The following ZPBP variants were observed in gnomAD, a reference collection of about 807,000 sequenced individuals.
ZPBP encodes the protein zona pellucida binding protein, also known as zona pellucida-binding protein 1.
Under a neutral mutation model 44.8 loss-of-function variants are expected in ZPBP, and 26 were observed. The observed-to-expected ratio is 0.58, with a 90% CI of 0.43 to 0.81. The LOEUF (loss-of-function observed/expected upper bound fraction) is 0.81. Ranked by LOEUF, ZPBP falls within the 30% of genes least tolerant of loss-of-function variation. The probability of loss-of-function intolerance (pLI) is 0.00; values close to 1 mark genes in which losing one functional copy is unlikely to be tolerated. For missense variants in ZPBP, 409 were observed against 434.0 expected, an observed-to-expected ratio of 0.94 and a Z score of 0.51; for synonymous variants, 174 against 153.2, an observed-to-expected ratio of 1.14 and a Z score of -1.00.
At chr7:50,054,456 GA>G (rs1445285656) in intron 4 of ZPBP, among the ~76,000 whole-genome samples, 1 of 152,066 alleles carries the variant, frequency 6.6e-6, no homozygotes, top group Non-Finnish European at 1.5e-5. Context: ...ATAAAAATAT[GA>G]AAAGATGTTC....
intron 2 of ZPBP, among the ~76,000 whole-genome samples, chr7:49,884,357 A>T (rs953470515): frequency 1.2e-4 from 19 of 152,224 alleles, no homozygotes; most frequent in African/African-American, 4.6e-4. Flanking sequence ...AGAAGGCTTT[A>T]ACCGGGTGCT....
At chr7:49,917,216 C>A (rs1163848886) in intron 1 of ZPBP, 1 of 151,978 alleles carries the variant, frequency 6.6e-6, no homozygotes, top group Non-Finnish European at 1.5e-5. Flanking sequence ...GAATGATAAC[C>A]ATTTAAAAGT....
intron 6 of ZPBP, among the ~76,000 whole-genome samples, chr7:49,984,122 T>G (rs1797145587): frequency 1.3e-5 from 2 of 152,180 alleles, no homozygotes; most frequent in Non-Finnish European, 2.9e-5. Context: ...ACGCATAAAT[T>G]CAAACTGCTA....
chr7:50,005,368 T>C (rs752372657), intron 6 of ZPBP, among the ~76,000 whole-genome samples: 1 of 152,002 alleles, frequency 6.6e-6, no homozygotes, highest in Non-Finnish European at 1.5e-5. Context: ...AAACCCTGCA[T>C]TGTTGTAATT....
intron 4 of ZPBP, among the ~76,000 whole-genome samples, chr7:50,038,049 C>A (rs576715928): frequency 6.6e-6 from 1 of 152,124 alleles, no homozygotes; most frequent in Non-Finnish European, 1.5e-5. Flanking sequence ...ACTGAGTCCT[C>A]CATCACCCTT....
At chr7:49,981,313 AT>A (rs369866814) in intron 7 of ZPBP, among the ~76,000 whole-genome samples, 43,839 of 61,334 alleles carry the variant, frequency 0.71, 15,892 homozygotes, top group East Asian at 0.79. Context: ...ATAATTATAT[AT>A]TATATAATAT....
chr7:50,051,355 C>T (rs1800685416), intron 4 of ZPBP, among the ~76,000 whole-genome samples: 1 of 152,134 alleles, frequency 6.6e-6, no homozygotes, highest in African/African-American at 2.4e-5. Context: ...TTAGTTCAAC[C>T]ATTGTGGAAG....
intron 6 of ZPBP, among the ~76,000 whole-genome samples, chr7:50,001,190 CT>C (rs1798080622): frequency 6.6e-6 from 1 of 152,168 alleles, no homozygotes; most frequent in African/African-American, 2.4e-5. Flanking sequence ...AACTAATAAA[CT>C]AATCTTTCAT....
At chr7:50,072,274 A>T (rs1002904222) in intron 3 of ZPBP, among the ~76,000 whole-genome samples, 2 of 152,194 alleles carry the variant, frequency 1.3e-5, no homozygotes, top group African/African-American at 4.8e-5. Flanking sequence ...CTTTGGAAAG[A>T]GTAGCAGGGT....
intron 6 of ZPBP, among the ~76,000 whole-genome samples, chr7:49,987,226 G>T (rs1022255337): frequency 6.6e-6 from 1 of 152,088 alleles, no homozygotes; most frequent in Non-Finnish European, 1.5e-5. Context: ...GGATTTAAAA[G>T]GATTTTTTTA....
rs74528826 is a variant in ZPBP at position 50,005,274 on chromosome 7, G to A, written c.783+12966C>T. Among the ~76,000 whole-genome samples the A allele has an allele frequency of 5.6e-3, 856 of 151,854 alleles. 14 individuals carry two copies. The highest frequency in any genetic ancestry group is 0.02 in the African/African-American group (810 of 41,374). On this transcript the variant is annotated intron_variant, in intron 6 of 7. Coordinates refer to ENST00000046087, the MANE Select transcript of ZPBP (RefSeq NM_007009.3). ...TACCACCAGCAGAGTGTGTCTACTT[G>A]GAATGAAAGGTCTCTAGAGAATAAA... is the stretch of plus-strand genomic sequence containing the variant.
intron 2 of ZPBP, among the ~76,000 whole-genome samples, chr7:49,858,934 T>G (rs1367806567): frequency 1.3e-5 from 2 of 152,242 alleles, no homozygotes; most frequent in Non-Finnish European, 2.9e-5. Context: ...GAAGGTATAT[T>G]TATTTCATGG....
chr7:50,019,417 T>C (rs1436537272), intron 5 of ZPBP, among the ~76,000 whole-genome samples: 1 of 152,096 alleles, frequency 6.6e-6, no homozygotes, highest in Non-Finnish European at 1.5e-5. Context: ...TTCACTTCCT[T>C]AGAACCCATA....
At chr7:50,031,332 A>G in intron 4 of ZPBP, 22 bp from the exon 5 acceptor site, 2 of 1,563,942 alleles carry the variant, frequency 1.3e-6, no homozygotes, top group Non-Finnish European at 1.7e-6. Context: ...TAACAAGAGA[A>G]AGACACAAAA....
At position 49,885,008 on chromosome 7, in the gene ZPBP, G is replaced by C. The variant is rs544982594; in HGVS notation, n.509+16110C>G. 1.4e-4 allele frequency among the ~76,000 whole-genome samples: 21 copies of C among 152,132 alleles called. No individual in the cohort carries two copies. The East Asian group carries it at 4.0e-3, about 29-fold the overall frequency. The stretch of plus-strand genomic sequence containing the variant: ...TTTGAAATTAGGAAATAGGATATAA[G>C]TGTTGTATGGCTAAATTTAAAATTA... On this transcript the variant is annotated intron_variant and non_coding_transcript_variant, in intron 2 of 2. Coordinates refer to the ZPBP transcript ENST00000465922.
chr7:50,061,065 C>A (rs982706150), intron 3 of ZPBP, among the ~76,000 whole-genome samples: 1 of 152,048 alleles, frequency 6.6e-6, no homozygotes, highest in African/African-American at 2.4e-5. Flanking sequence ...AGAAATCACA[C>A]GATCATCTCA....
intron 2 of ZPBP, among the ~76,000 whole-genome samples, chr7:50,088,962 G>A (rs4917115): frequency 0.83 from 126,045 of 151,972 alleles, 52,312 homozygotes; most frequent in East Asian, 0.88. Context: ...CCTCAAAAAC[G>A]TCATACTAAG....
chr7:49,962,323 T>G (rs1435511357), intron 7 of ZPBP, among the ~76,000 whole-genome samples: 3 of 151,858 alleles, frequency 2.0e-5, no homozygotes, highest in Non-Finnish European at 4.4e-5. Flanking sequence ...TTAGGGGAGT[T>G]TATGTAAGGT....
chr7:50,005,701 T>C (rs1798275492), intron 6 of ZPBP, among the ~76,000 whole-genome samples: 1 of 149,180 alleles, frequency 6.7e-6, no homozygotes, highest in Admixed American at 6.7e-5. Context: ...AGGAAGAGAG[T>C]AAGGGAGGAA....
Sources: allele counts gnomAD v4.1 joint callset (sites outside exome capture counted in the v4.1 genomes callset), GRCh38; gene constraint gnomAD v4.1.1; transcripts MANE v1.5; gene names NCBI Gene and HGNC (gene_info 2026-07-23, HGNC 2026-07-21).